Variants in SDCCAG8 observed in about 807,000 individuals in gnomAD.
The protein encoded by SDCCAG8 is SHH signaling and ciliogenesis regulator SDCCAG8.
SDCCAG8 carries 74 observed loss-of-function variants against 101.8 expected under a neutral mutation model. The observed-to-expected ratio is 0.73, with a 90% confidence interval of 0.60 to 0.88. SDCCAG8 has a LOEUF of 0.88. Ranked by LOEUF, SDCCAG8 falls within the 40% of genes least tolerant of loss-of-function variation. The pLI is 0.00. For synonymous variants in SDCCAG8, 281 were observed against 292.9 expected, an observed-to-expected ratio of 0.96 and a Z score of 0.41; for missense variants, 787 against 822.6, an observed-to-expected ratio of 0.96 and a Z score of 0.53.
At chr1:243,391,220 G>T (rs1331394542) in intron 13 of SDCCAG8, among the ~76,000 whole-genome samples, 1 of 152,212 alleles carries the variant, frequency 6.6e-6, no homozygotes, top group East Asian at 1.9e-4. Flanking sequence ...ATCGTGATTT[G>T]TTGATTGATA....
intron 3 of SDCCAG8, among the ~76,000 whole-genome samples, chr1:243,273,432 T>G (rs761127118): frequency 1.3e-5 from 2 of 152,208 alleles, no homozygotes; most frequent in Non-Finnish European, 2.9e-5. Flanking sequence ...AAGCTATACA[T>G]TAACAGTCAG....
chr1:243,418,682 A>G (rs1296144267), intron 15 of SDCCAG8, among the ~76,000 whole-genome samples: 1 of 152,192 alleles, frequency 6.6e-6, no homozygotes, highest in East Asian at 1.9e-4. Flanking sequence ...CAATGAATAA[A>G]TTATTTCATA....
At chr1:243,413,711 A>G (rs1437826021) in intron 13 of SDCCAG8, among the ~76,000 whole-genome samples, 2 of 152,054 alleles carry the variant, frequency 1.3e-5, no homozygotes, top group Non-Finnish European at 2.9e-5. Flanking sequence ...ATGTCACCCA[A>G]TTGTTAGGGG....
intron 11 of SDCCAG8, among the ~76,000 whole-genome samples, chr1:243,343,844 A>G (rs1363701017): frequency 6.6e-6 from 1 of 152,252 alleles, no homozygotes; most frequent in Non-Finnish European, 1.5e-5. Context: ...AACTGTATCA[A>G]TGTGAATGAA....
chr1:243,476,539 A>T (rs900490642), intron 16 of SDCCAG8, among the ~76,000 whole-genome samples: 1 of 152,204 alleles, frequency 6.6e-6, no homozygotes, highest in Admixed American at 6.5e-5. Flanking sequence ...GGAGGGTTTT[A>T]GTCTCTGGGA....
chr1:243,379,530 T>G (rs1472902381), intron 13 of SDCCAG8, among the ~76,000 whole-genome samples: 1 of 152,218 alleles, frequency 6.6e-6, no homozygotes, highest in South Asian at 2.1e-4. Flanking sequence ...GTGAATTTGC[T>G]GCATTGGAAA....
chr1:243,290,656 A>G (rs192542580), intron 5 of SDCCAG8, among the ~76,000 whole-genome samples: 1,532 of 152,278 alleles, frequency 0.01, 24 homozygotes, highest in Non-Finnish European at 0.013. Flanking sequence ...ACCCCCCTGC[A>G]GGCACCATGC....
At chr1:243,411,436 T>C (rs1330566545) in intron 13 of SDCCAG8, among the ~76,000 whole-genome samples, 1 of 152,200 alleles carries the variant, frequency 6.6e-6, no homozygotes, top group Non-Finnish European at 1.5e-5. Context: ...TCAGCTTTAT[T>C]GGGGTAAATT....
At chr1:243,497,229 G>C (rs1159857700) in intron 17 of SDCCAG8, among the ~76,000 whole-genome samples, 1 of 151,284 alleles carries the variant, frequency 6.6e-6, no homozygotes, top group African/African-American at 2.4e-5. Context: ...TGTTACCAAA[G>C]AGTCAGCAAA....
rs982191347 is a variant in SDCCAG8 at position 243,488,534 on chromosome 1, C to A, written c.1986-480C>A. On this transcript the variant is annotated intron_variant, in intron 16 of 17. Transcript: ENST00000366541. ...ATCAGCAGAATGACAAATTTAGGAT[C>A]TTTAAAGACATCTGGTCAGCGATGC... 2.5e-5 allele frequency: 5 copies of A among 202,504 alleles called. No individual in the cohort carries two copies. In the South Asian group the frequency reaches 2.6e-4, roughly 11 times the overall value. The allele number at this position is 202,504 out of a possible 1,614,324, so 12.5% of individuals were successfully genotyped here.
intron 16 of SDCCAG8, among the ~76,000 whole-genome samples, chr1:243,449,476 C>T (rs1004769715): frequency 3.9e-5 from 6 of 152,178 alleles, no homozygotes; most frequent in African/African-American, 1.4e-4. Context: ...AAGGAGATAG[C>T]ATAGACTTGA....
chr1:243,490,906 G>T (rs1217331530), intron 17 of SDCCAG8, among the ~76,000 whole-genome samples: 1 of 152,208 alleles, frequency 6.6e-6, no homozygotes, highest in African/African-American at 2.4e-5. Context: ...CCTGCTTTAG[G>T]CCTGGCCAGC....
At chr1:243,280,495 A>G (rs2068936054) in intron 4 of SDCCAG8, among the ~76,000 whole-genome samples, 1 of 152,004 alleles carries the variant, frequency 6.6e-6, no homozygotes, top group African/African-American at 2.4e-5. Flanking sequence ...TTAATTTGCT[A>G]TTGGTTTTGC....
chr1:243,473,574 T>C (rs1251962117), intron 16 of SDCCAG8, among the ~76,000 whole-genome samples: 1 of 152,194 alleles, frequency 6.6e-6, no homozygotes, highest in Non-Finnish European at 1.5e-5. Context: ...GAGTTCAGGT[T>C]GGGCAGATTG....
chr1:243,455,968 G>C (rs930440603), intron 16 of SDCCAG8, among the ~76,000 whole-genome samples: 2 of 152,344 alleles, frequency 1.3e-5, no homozygotes, highest in East Asian at 3.9e-4. Context: ...AAGTGGGTCA[G>C]AATGGCCTCT....
Position 243,341,075 on chromosome 1 carries a change from G to T in SDCCAG8, c.1258G>T (p.Ala420Ser). Residue 420 changes from alanine (A) to serine (S), a missense_variant, in exon 11 of 18, where the codon GCC becomes TCC. Transcript: ENST00000366541. ...GTCTCAGAATATTGCCCAACTGGAG[G>T]CCCAGGTGGAAAAGGTTACAAAGGA... ...ILSQNIAQLE[A>S]QVEKVTKEKI... The T allele has an allele frequency of 6.2e-7, 1 of 1,613,308 alleles. No individual in the cohort carries two copies. The highest frequency in any genetic ancestry group is 8.5e-7 in the Non-Finnish European group (1 of 1,179,254).
At position 243,344,340 on chromosome 1, in the gene SDCCAG8, G is replaced by A. The variant is rs973774954; in HGVS notation, c.1473+9G>A. On this transcript the variant is annotated intron_variant, in intron 12 of 17. Coordinates refer to ENST00000366541, the MANE Select transcript of SDCCAG8 (RefSeq NM_006642.5). ...TTGAAATTAAAGATCAGGTAAGAGA[G>A]GACACAGCATAATTGCAGCAATTAT... 2 of 1,548,874 alleles carry A rather than the reference G, an allele frequency of 1.3e-6. No individual in the cohort carries two copies. The highest frequency in any genetic ancestry group is 1.8e-6 in the Non-Finnish European group (2 of 1,120,750).
chr1:243,301,329 A>G (rs1287842409), intron 6 of SDCCAG8, among the ~76,000 whole-genome samples: 1 of 152,084 alleles, frequency 6.6e-6, no homozygotes, highest in African/African-American at 2.4e-5. Flanking sequence ...AGTAAATTGC[A>G]TATCACAGTA....
intron 1 of SDCCAG8, among the ~76,000 whole-genome samples, chr1:243,269,542 C>T (rs753840623): frequency 2.0e-5 from 3 of 151,776 alleles, no homozygotes; most frequent in Non-Finnish European, 4.4e-5. Flanking sequence ...GCTGTACCGC[C>T]GGGGCTGCCA....
Sources: allele counts gnomAD v4.1 joint callset (sites outside exome capture counted in the v4.1 genomes callset), GRCh38; gene constraint gnomAD v4.1.1; transcripts MANE v1.5; gene names NCBI Gene and HGNC (gene_info 2026-07-23, HGNC 2026-07-21).